Variants in SMYD3 observed in about 807,000 individuals in gnomAD.
The protein encoded by SMYD3 is SET and MYND domain containing 3.
Under a neutral mutation model 57.7 loss-of-function variants are expected in SMYD3, and 36 were observed. The observed-to-expected ratio is 0.62, with a 90% CI of 0.48 to 0.82. The LOEUF (loss-of-function observed/expected upper bound fraction) is 0.82. SMYD3 is among the 40% of genes least tolerant of loss of function. The pLI, the probability that SMYD3 is intolerant of heterozygous loss-of-function variation, is 0.00. For missense variants in SMYD3, 515 were observed against 538.8 expected (o/e 0.96, Z 0.44); for synonymous variants, 211 against 195.0 (o/e 1.08, Z -0.68).
intron 5 of SMYD3, among the ~76,000 whole-genome samples, chr1:246,216,786 A>G (rs10924563): frequency 0.27 from 40,274 of 151,946 alleles, 6,051 homozygotes; most frequent in East Asian, 0.58. Flanking sequence ...AAGTAAAGAT[A>G]CCAGGCCAGT....
At chr1:246,072,375 GC>G (rs2060472520) in intron 5 of SMYD3, among the ~76,000 whole-genome samples, 1 of 150,508 alleles carries the variant, frequency 6.6e-6, no homozygotes, top group Non-Finnish European at 1.5e-5. Flanking sequence ...GGATTCGTGT[GC>G]CTTCCACTGT....
intron 5 of SMYD3, among the ~76,000 whole-genome samples, chr1:245,968,503 C>G (rs894096148): frequency 6.6e-6 from 1 of 152,062 alleles, no homozygotes; most frequent in Non-Finnish European, 1.5e-5. Flanking sequence ...CAGAATTCAC[C>G]TTATATTGAA....
In SMYD3 at chr1:246,002,285, C is replaced by T. The variant is rs573222321; in HGVS notation, c.532-72348G>A. Among the ~76,000 whole-genome samples, 297 of 123,200 alleles carry T rather than the reference C, an allele frequency of 2.4e-3. 3 individuals are homozygous for T. Among genetic ancestry groups the T allele is most frequent in the Non-Finnish European group, 3.4e-3 (188 of 55,148 alleles). 80.8% of individuals were successfully genotyped at this position (123,200 alleles called of 152,430 possible). ...CTGCAAGCTCCGCCTCCCGGGTTCA[C>T]GCCATTCTCCTGCCTCAGCCTCCCG... On this transcript the variant is annotated intron_variant, in intron 5 of 11. Coordinates refer to ENST00000490107, the MANE Select transcript of SMYD3 (RefSeq NM_001167740.2).
chr1:246,177,398 C>T (rs1439049872), intron 5 of SMYD3, among the ~76,000 whole-genome samples: 1 of 152,152 alleles, frequency 6.6e-6, no homozygotes, highest in Non-Finnish European at 1.5e-5. Context: ...GTTACCCCTT[C>T]AATTGTCTAA....
chr1:246,058,104 T>C (rs555291498), intron 5 of SMYD3, among the ~76,000 whole-genome samples: 2 of 152,162 alleles, frequency 1.3e-5, no homozygotes, highest in African/African-American at 4.8e-5. Context: ...GAGAGAGAGA[T>C]GAACAGGTGA....
At chr1:246,030,842 C>CT (rs754597897) in intron 5 of SMYD3, among the ~76,000 whole-genome samples, 71 of 151,966 alleles carry the variant, frequency 4.7e-4, no homozygotes, top group Non-Finnish European at 9.0e-4. Flanking sequence ...AGTTTTCAAA[C>CT]TTTTTTTTGC....
intron 5 of SMYD3, among the ~76,000 whole-genome samples, chr1:246,062,589 C>T (rs941307264): frequency 6.6e-6 from 1 of 152,154 alleles, no homozygotes; most frequent in African/African-American, 2.4e-5. Context: ...GTTAATTTCT[C>T]AAGGACAAAA....
chr1:246,181,543 A>T (rs1349278573), intron 5 of SMYD3, among the ~76,000 whole-genome samples: 2 of 152,254 alleles, frequency 1.3e-5, no homozygotes, highest in Non-Finnish European at 2.9e-5. Context: ...TTCATGATTC[A>T]CACTTCATGC....
intron 5 of SMYD3, among the ~76,000 whole-genome samples, chr1:245,985,514 C>T (rs1235082315): frequency 6.6e-6 from 1 of 152,134 alleles, no homozygotes; most frequent in East Asian, 1.9e-4. Context: ...TAAGGAAAAA[C>T]ATGTCCTTAC....
chr1:246,279,100 C>G (rs747019204), intron 5 of SMYD3, among the ~76,000 whole-genome samples: 8 of 152,190 alleles, frequency 5.3e-5, no homozygotes, highest in Non-Finnish European at 1.2e-4. Context: ...CACTGGAGAA[C>G]AGTACCTACT....
intron 5 of SMYD3, among the ~76,000 whole-genome samples, chr1:246,260,163 C>A (rs529286421): frequency 1.1e-4 from 17 of 152,268 alleles, no homozygotes; most frequent in Non-Finnish European, 2.5e-4. Context: ...AGCTTGTGCT[C>A]CAAATGCCTG....
chr1:245,851,910 T>G (rs1284769485), intron 10 of SMYD3, among the ~76,000 whole-genome samples: 2 of 152,206 alleles, frequency 1.3e-5, no homozygotes, highest in East Asian at 3.9e-4. Flanking sequence ...ACAGGCTTTA[T>G]GCATGTTCTG....
intron 1 of SMYD3, among the ~76,000 whole-genome samples, chr1:246,488,722 G>C (rs547455028): frequency 6.6e-6 from 1 of 152,112 alleles, no homozygotes; most frequent in Admixed American, 6.5e-5. Context: ...TAAGCAGGCT[G>C]TTATTTACAA....
At chr1:245,857,472 T>TG (rs1414768744) in intron 10 of SMYD3, among the ~76,000 whole-genome samples, 4 of 133,280 alleles carry the variant, frequency 3.0e-5, no homozygotes, top group Non-Finnish European at 1.7e-5. Context: ...CGTTTCCACC[T>TG]GCTCCTCTTC....
At chr1:245,800,809 C>T (rs766219658) in intron 10 of SMYD3, among the ~76,000 whole-genome samples, 16 of 152,170 alleles carry the variant, frequency 1.1e-4, no homozygotes, top group East Asian at 1.9e-4. Flanking sequence ...GGGAAGGATT[C>T]GGGCTGGCTG....
intron 5 of SMYD3, among the ~76,000 whole-genome samples, chr1:246,120,876 G>A (rs2061414202): frequency 6.6e-6 from 1 of 152,116 alleles, no homozygotes; most frequent in African/African-American, 2.4e-5. Context: ...CACACAAGCT[G>A]GTACCCCCAC....
At chr1:246,273,593 T>TTC (rs1451514657) in intron 5 of SMYD3, among the ~76,000 whole-genome samples, 1 of 146,298 alleles carries the variant, frequency 6.8e-6, no homozygotes, top group Admixed American at 6.8e-5. Context: ...TTTTTTTTTT[T>TTC]TTTTTTTAAA....
At chr1:246,201,529 G>A (rs1284407621) in intron 5 of SMYD3, among the ~76,000 whole-genome samples, 1 of 152,130 alleles carries the variant, frequency 6.6e-6, no homozygotes, top group African/African-American at 2.4e-5. Flanking sequence ...CAGCTGTCAC[G>A]GCCTGCTGAC....
chr1:245,876,446 CATT>C (rs2052490987), intron 8 of SMYD3, among the ~76,000 whole-genome samples: 1 of 152,238 alleles, frequency 6.6e-6, no homozygotes, highest in African/African-American at 2.4e-5. Context: ...CCGCCTCAGC[CATT>C]GCTCCGAATC....
Sources: allele counts gnomAD v4.1 joint callset (sites outside exome capture counted in the v4.1 genomes callset), GRCh38; gene constraint gnomAD v4.1.1; transcripts MANE v1.5; gene names NCBI Gene and HGNC (gene_info 2026-07-23, HGNC 2026-07-21).